STX18: variants seen among roughly 807,000 people sequenced by gnomAD.
STX18 encodes the protein syntaxin-18.
Under a neutral mutation model 50.1 loss-of-function variants are expected in STX18, and 40 were observed. The observed-to-expected ratio is 0.80, with a 90% CI of 0.62 to 1.04. The LOEUF is 1.04. Ranked by LOEUF, STX18 falls within the 50% of genes least tolerant of loss-of-function variation. STX18 has a pLI of 0.00. For synonymous variants in STX18, 158 were observed against 151.8 expected (o/e 1.04, Z -0.30); for missense variants, 410 against 415.8 (o/e 0.99, Z 0.12).
At chr4:4,467,333 G>C (rs929922398) in intron 2 of STX18, among the ~76,000 whole-genome samples, 4 of 152,188 alleles carry the variant, frequency 2.6e-5, no homozygotes, top group African/African-American at 7.2e-5. Flanking sequence ...CCCAAAGTTA[G>C]TTTGGCCTAC....
intron 1 of STX18, among the ~76,000 whole-genome samples, chr4:4,536,402 T>C (rs567725584): frequency 1.3e-5 from 2 of 152,188 alleles, no homozygotes; most frequent in Admixed American, 1.3e-4. Flanking sequence ...AAACAACAAA[T>C]AAATGGATAT....
intron 1 of STX18, among the ~76,000 whole-genome samples, chr4:4,492,598 CCTT>C (rs1330962893): frequency 1.3e-5 from 2 of 152,062 alleles, no homozygotes; most frequent in Non-Finnish European, 1.5e-5. Context: ...TTTCAGCGTG[CCTT>C]AGTATGACGA....
At chr4:4,452,652 G>A (rs1726819921) in intron 5 of STX18, among the ~76,000 whole-genome samples, 1 of 152,212 alleles carries the variant, frequency 6.6e-6, no homozygotes, top group South Asian at 2.1e-4. Context: ...AGCCATGACT[G>A]CCACTGCACT....
chr4:4,450,753 A>C (rs555927935), intron 5 of STX18, among the ~76,000 whole-genome samples: 12 of 152,130 alleles, frequency 7.9e-5, no homozygotes, highest in Non-Finnish European at 1.8e-4. Flanking sequence ...CCTGCCCTGG[A>C]AAACTGCTGC....
Position 4,541,826 on chromosome 4 carries a change from C to T in STX18, c.139G>A (p.Gly47Ser), listed in dbSNP as rs569573620. The change falls in exon 1 of 11, where the codon GGC becomes AGC. Residue 47 changes from glycine to serine, a missense_variant. Coordinates refer to ENST00000306200, the MANE Select transcript of STX18 (RefSeq NM_016930.4). ...ELFRRSPRPK[G>S]DFSSRAREVI... ...TCGCGGGCCCGGCTGGAGAAGTCGC[C>T]CTTGGGCCGGGGGCTCCGGCGGAAC... is the stretch of plus-strand genomic sequence containing the variant. 8.1e-6 allele frequency: 13 copies of T among 1,611,128 alleles called. No individual in the cohort carries two copies. The highest frequency in any genetic ancestry group is 1.7e-5 in the Admixed American group (1 of 59,842).
At chr4:4,485,157 C>T (rs1728646221) in intron 1 of STX18, among the ~76,000 whole-genome samples, 1 of 152,200 alleles carries the variant, frequency 6.6e-6, no homozygotes, top group South Asian at 2.1e-4. Flanking sequence ...CTTTGTGTCA[C>T]TTAACCTCTT....
chr4:4,461,287 G>T (rs761195780), intron 2 of STX18, among the ~76,000 whole-genome samples: 1 of 152,122 alleles, frequency 6.6e-6, no homozygotes, highest in Non-Finnish European at 1.5e-5. Flanking sequence ...AACCAAGGAA[G>T]TTTTTTCTCC....
At chr4:4,473,173 T>C (rs1728008538) in intron 1 of STX18, among the ~76,000 whole-genome samples, 1 of 152,186 alleles carries the variant, frequency 6.6e-6, no homozygotes, top group African/African-American at 2.4e-5. Context: ...GTATGTGAGC[T>C]TGGTTTCAAA....
At chr4:4,458,706 C>T (rs1393432072) in intron 3 of STX18, among the ~76,000 whole-genome samples, 1 of 152,188 alleles carries the variant, frequency 6.6e-6, no homozygotes, top group Non-Finnish European at 1.5e-5. Flanking sequence ...CAGTTCTAAG[C>T]ATGCTGTAGG....
At chr4:4,452,134 C>A (rs964904816) in intron 5 of STX18, among the ~76,000 whole-genome samples, 1 of 151,648 alleles carries the variant, frequency 6.6e-6, no homozygotes, top group Non-Finnish European at 1.5e-5. Context: ...CCTAATTCAG[C>A]GCAAGGCCCT....
chr4:4,445,431 C>CA (rs1318714682), intron 5 of STX18, among the ~76,000 whole-genome samples: 19 of 147,736 alleles, frequency 1.3e-4, no homozygotes, highest in Admixed American at 3.4e-4. Context: ...AAACAAAAAA[C>CA]AAAAAAAAAG....
intron 1 of STX18, among the ~76,000 whole-genome samples, chr4:4,527,865 C>CATATATATATATATATATATATAT (rs1164396031): frequency 1.2e-4 from 12 of 103,516 alleles, no homozygotes; most frequent in African/African-American, 3.9e-4. Context: ...CACACACACA[C>CATATATATATATATATATATATAT]ACATATATAT....
chr4:4,484,648 T>G (rs1332229844), intron 1 of STX18, among the ~76,000 whole-genome samples: 1 of 152,174 alleles, frequency 6.6e-6, no homozygotes, highest in Non-Finnish European at 1.5e-5. Context: ...AAGGGTCTAT[T>G]TTAAAAACAT....
At chr4:4,424,031 T>C (rs1253143618) in intron 8 of STX18, among the ~76,000 whole-genome samples, 1 of 152,188 alleles carries the variant, frequency 6.6e-6, no homozygotes, top group Non-Finnish European at 1.5e-5. Flanking sequence ...TTGTTAATGC[T>C]CAGCAGGTTA....
At chr4:4,506,400 A>G (rs1367042362) in intron 1 of STX18, among the ~76,000 whole-genome samples, 8 of 152,250 alleles carry the variant, frequency 5.3e-5, no homozygotes, top group East Asian at 1.9e-4. Context: ...ATCAACCTTA[A>G]AGGCATTATG....
At chr4:4,423,835 C>T in intron 8 of STX18, 1 of 533,382 alleles carries the variant, frequency 1.9e-6, no homozygotes, top group South Asian at 2.1e-5. Context: ...GCCAACTGAC[C>T]CTCAGTCCCA....
intron 6 of STX18, among the ~76,000 whole-genome samples, chr4:4,436,950 C>CTTTTTTTT (rs34174730): frequency 3.4e-5 from 4 of 116,764 alleles, no homozygotes; most frequent in Middle Eastern, 4.5e-3. Flanking sequence ...TCCAGACTCA[C>CTTTTTTTT]TTTTTTTTTT....
chr4:4,505,892 G>A (rs184587058), intron 1 of STX18, among the ~76,000 whole-genome samples: 225 of 152,290 alleles, frequency 1.5e-3, no homozygotes, highest in African/African-American at 5.2e-3. Context: ...TTAGTAAGTC[G>A]GAGACCATGT....
chr4:4,455,718 G>A (rs1392674951), intron 5 of STX18, among the ~76,000 whole-genome samples: 2 of 152,224 alleles, frequency 1.3e-5, no homozygotes, highest in Admixed American at 6.5e-5. Context: ...CTTGGGCAAT[G>A]AGTTACTAAT....
Sources: gnomAD v4.1 joint callset for allele counts (sites outside exome capture counted in the v4.1 genomes callset) on GRCh38, gnomAD v4.1.1 for gene constraint, MANE v1.5 for transcripts, NCBI Gene and HGNC (gene_info 2026-07-23, HGNC 2026-07-21) for gene names.